The following ARAP2 variants were observed in gnomAD, a reference collection of about 807,000 sequenced individuals.
ARAP2 encodes the protein ArfGAP with RhoGAP domain, ankyrin repeat and PH domain 2.
Under a neutral mutation model 194.5 loss-of-function variants are expected in ARAP2, and 148 were observed. The observed-to-expected ratio is 0.76, with a 90% CI of 0.67 to 0.87. The LOEUF (loss-of-function observed/expected upper bound fraction) is 0.87, where lower values mean the gene tolerates loss of function less well. ARAP2 is among the 40% of genes least tolerant of loss of function. The probability of loss-of-function intolerance (pLI) is 0.00; values close to 1 mark genes in which losing one functional copy is unlikely to be tolerated. For missense variants in ARAP2, 2,128 were observed against 1,989.7 expected (o/e 1.07, Z -1.32); for synonymous variants, 695 against 683.5 (o/e 1.02, Z -0.26).
chr4:36,019,744 T>C (rs2175324), intron 5 of ARAP2, among the ~76,000 whole-genome samples: 26,703 of 151,752 alleles, frequency 0.18, 2,669 homozygotes, highest in African/African-American at 0.27. Context: ...AGTGTGAAGG[T>C]AGGAGTGGTG....
intron 6 of ARAP2, among the ~76,000 whole-genome samples, chr4:36,017,158 T>C (rs1408440276): frequency 3.3e-5 from 5 of 151,822 alleles, no homozygotes; most frequent in Non-Finnish European, 5.9e-5. Context: ...TATTCAAATA[T>C]ATATATATTC....
intron 19 of ARAP2, among the ~76,000 whole-genome samples, chr4:36,146,936 C>T (rs1729760819): frequency 6.6e-6 from 1 of 151,834 alleles, no homozygotes. Context: ...GACCCACATG[C>T]ATAGATAATT....
intron 7 of ARAP2, 33 bp downstream of exon 7, chr4:36,193,545 A>C (rs759410197): frequency 6.7e-7 from 1 of 1,501,882 alleles, no homozygotes; most frequent in African/African-American, 1.4e-5. Context: ...ATGCATAAAA[A>C]AGCAATTTTT....
rs769624960 is a variant in ARAP2 at position 36,147,740 on chromosome 4, C to G, written c.3007G>C (p.Val1003Leu). 1 of 1,602,526 alleles carries G rather than the reference C, an allele frequency of 6.2e-7. No homozygotes were observed. Among genetic ancestry groups the G allele is most frequent in the East Asian group, 2.2e-5 (1 of 44,638 alleles). ...KWTEAIAKHF[V>L]PLFAENLTEA... is the part of the protein sequence containing the mutation. ...GTTAAGTTTTCAGCAAATAAGGGAA[C>G]AAAATGCTGTTAAAACAAATACAAA... The change falls in exon 18 of 33, where the codon GTT (valine) becomes CTT (leucine). Residue 1003 changes from valine (V) to leucine (L), a missense_variant. Coordinates refer to ENST00000303965, the MANE Select transcript of ARAP2 (RefSeq NM_015230.4).
chr4:36,034,788 C>A (rs1020508333), intron 5 of ARAP2, among the ~76,000 whole-genome samples: 5 of 152,012 alleles, frequency 3.3e-5, no homozygotes, highest in African/African-American at 9.7e-5. Flanking sequence ...GTTGAGGATT[C>A]TCAACATGAA....
At chr4:36,197,719 G>C (rs929266657) in intron 6 of ARAP2, among the ~76,000 whole-genome samples, 1 of 152,228 alleles carries the variant, frequency 6.6e-6, no homozygotes. Context: ...CACACAGTGA[G>C]GCACCCCAGC....
chr4:36,094,303 CTG>C (rs1714591312), intron 27 of ARAP2, among the ~76,000 whole-genome samples: 1 of 152,104 alleles, frequency 6.6e-6, no homozygotes, highest in African/African-American at 2.4e-5. Context: ...TATGTACTAT[CTG>C]TGGCTGCGAA....
At chr4:36,204,365 TA>T (rs1374821187) in intron 6 of ARAP2, among the ~76,000 whole-genome samples, 5 of 152,050 alleles carry the variant, frequency 3.3e-5, no homozygotes, top group Admixed American at 2.6e-4. Flanking sequence ...TAACAATGTT[TA>T]GGGGGGAAAA....
intron 9 of ARAP2, among the ~76,000 whole-genome samples, chr4:36,011,683 TA>T (rs1411373568): frequency 2.0e-5 from 3 of 152,170 alleles, no homozygotes; most frequent in African/African-American, 7.2e-5. Flanking sequence ...CTTATATTGA[TA>T]ATTCTACATA....
intron 27 of ARAP2, among the ~76,000 whole-genome samples, chr4:36,105,916 G>A (rs966450356): frequency 6.6e-6 from 1 of 151,928 alleles, no homozygotes; most frequent in South Asian, 2.1e-4. Flanking sequence ...TTGCAACATG[G>A]AGAATTAGAG....
intron 19 of ARAP2, among the ~76,000 whole-genome samples, chr4:36,139,858 G>A (rs1727819248): frequency 6.6e-6 from 1 of 151,474 alleles, no homozygotes; most frequent in Non-Finnish European, 1.5e-5. Context: ...ATCCTTTCCA[G>A]AATAAGGCAA....
Position 36,227,631 on chromosome 4 carries a change from T to TG in ARAP2, c.905+950dup, listed in dbSNP as rs1230241106. 8.6e-5 allele frequency among the ~76,000 whole-genome samples: 13 copies of TG among 152,026 alleles called. No individual in the cohort carries two copies. The South Asian group carries it at 2.1e-3, about 24-fold the overall frequency. ...AAGGGAGTAGCAGGAAAAGCAGGCA[T>TG]GGGGGGAAAGAGGAATCCTGCTGAA... On this transcript the variant is annotated intron_variant, in intron 2 of 32. Transcript: ENST00000303965.
At position 36,210,658 on chromosome 4, in the gene ARAP2, T is replaced by C. The variant is rs1746556412; in HGVS notation, c.1219A>G (p.Ile407Val). The C allele has an allele frequency of 1.9e-6, 3 of 1,613,492 alleles. No homozygotes were observed. Among genetic ancestry groups the C allele is most frequent in the Non-Finnish European group, 2.5e-6 (3 of 1,179,824 alleles). Residue 407 changes from isoleucine to valine, a missense_variant, in exon 6 of 33, where the codon ATA (isoleucine) becomes GTA (valine). Transcript: ENST00000303965. Reference sequence around the variant, plus strand: ...TATTCTGATTCAGAAGCAGTGTCTATCAAAAAATTGTTTTTGTCCTCTCGA... The same window carrying C: ...TATTCTGATTCAGAAGCAGTGTCTACCAAAAAATTGTTTTTGTCCTCTCGA... The part of the protein sequence containing the change: ...IPREDKNNFL[I>V]DTASESEYST...
chr4:36,133,126 A>T, intron 20 of ARAP2, 100 bp downstream of exon 20: 1 of 1,160,774 alleles, frequency 8.6e-7, no homozygotes, highest in Non-Finnish European at 1.2e-6. Context: ...ACTTACAAAT[A>T]TAAAGGGTTT....
intron 16 of ARAP2, among the ~76,000 whole-genome samples, chr4:36,149,430 A>G (rs1160249922): frequency 6.6e-6 from 1 of 152,180 alleles, no homozygotes; most frequent in African/African-American, 2.4e-5. Context: ...AAATATGTCT[A>G]TATAAATCTT....
rs757417312 is a variant in ARAP2, at chr4:36,080,249, C to T, written c.4575G>A (p.Gln1525=). 2.5e-6 allele frequency: 4 copies of T among 1,613,132 alleles called. No homozygotes were observed. Among genetic ancestry groups the T allele is most frequent in the Non-Finnish European group, 3.4e-6 (4 of 1,179,472 alleles). ...TAAAGATACTGGTCATCCACTCCGT[C>T]TGAGTTCGTGAACTATCACAACACA... The part of the protein sequence containing the change: ...WHLCCDSSRT[Q]TEWMTSIFIA... Residue 1525 remains glutamine, a synonymous_variant, in exon 31 of 33, where the codon CAG becomes CAA. Coordinates refer to ENST00000303965, the MANE Select transcript of ARAP2 (RefSeq NM_015230.4).
At chr4:36,014,312 A>AAGAAAGAGAGAGAGAG (rs1450202367) in intron 8 of ARAP2, among the ~76,000 whole-genome samples, 1 of 76,980 alleles carries the variant, frequency 1.3e-5, no homozygotes, top group African/African-American at 4.8e-5. Context: ...GAAGGAAGGA[A>AAGAAAGAGAGAGAGAG]AGAAAGAAAG....
At chr4:36,164,173 CTCTG>C (rs1425267361) in intron 11 of ARAP2, among the ~76,000 whole-genome samples, 1 of 152,148 alleles carries the variant, frequency 6.6e-6, no homozygotes, top group Non-Finnish European at 1.5e-5. Context: ...AATTCTCTCT[CTCTG>C]TCTCTCTCAT....
At chr4:36,179,459 T>C (rs1413611503) in intron 8 of ARAP2, among the ~76,000 whole-genome samples, 3 of 152,186 alleles carry the variant, frequency 2.0e-5, no homozygotes, top group Non-Finnish European at 4.4e-5. Flanking sequence ...CGCAGACTCA[T>C]AGCACTATGT....
Sources: gnomAD v4.1 joint callset for allele counts (sites outside exome capture counted in the v4.1 genomes callset) on GRCh38, gnomAD v4.1.1 for gene constraint, MANE v1.5 for transcripts, NCBI Gene and HGNC (gene_info 2026-07-23, HGNC 2026-07-21) for gene names.